Variants in SETD5 observed in about 807,000 individuals in gnomAD.
SETD5 encodes the protein histone-lysine N-methyltransferase SETD5.
A neutral mutation model predicts 153.3 loss-of-function variants in SETD5; 44 were observed. The observed-to-expected ratio is 0.29, with a 90% CI of 0.23 to 0.37. The LOEUF (loss-of-function observed/expected upper bound fraction) is 0.37. SETD5 is among the 10% of genes least tolerant of loss of function. SETD5 has a pLI of 1.00. For synonymous variants in SETD5, 716 were observed against 645.2 expected, an observed-to-expected ratio of 1.11 and a Z score of -1.66; for missense variants, 1,544 against 1,768.0, an observed-to-expected ratio of 0.87 and a Z score of 2.27.
intron 17 of SETD5, among the ~76,000 whole-genome samples, chr3:9,457,668 C>T (rs549410911): frequency 6.7e-6 from 1 of 149,942 alleles, no homozygotes; most frequent in African/African-American, 2.4e-5. Context: ...CTAGGAATAA[C>T]CTTAGTTGGG....
chr3:9,431,473 GTAT>G lies in SETD5; in HGVS notation c.72-2371_72-2369del, dbSNP rs2039956616. The G allele has an allele frequency of 3.2e-6, 3 of 944,420 alleles. No individual in the cohort carries two copies. The South Asian group carries it at 1.5e-4, about 46-fold the overall frequency. 58.5% of individuals were successfully genotyped at this position (944,420 alleles called of 1,614,324 possible). A position where few individuals can be genotyped will look rare whatever the true frequency, so the allele number is the denominator to read the frequency against. ...TTCATATTTTAAAATATAAAAACTA[GTAT>G]ATATATCAAGGAATATTTTAGGAAA... is the stretch of plus-strand genomic sequence containing the variant. On this transcript the variant is annotated intron_variant, in intron 3 of 22. Transcript: ENST00000402198.
intron 1 of SETD5, among the ~76,000 whole-genome samples, chr3:9,412,387 GTTTTTTTTTTTTTTTT>G (rs370566998): frequency 1.1e-5 from 1 of 89,536 alleles, no homozygotes; most frequent in Admixed American, 1.4e-4. Flanking sequence ...ACAGTTTTGG[GTTTTTTTTTTTTTTTT>G]TTTTTTTTTT....
At chr3:9,429,904 A>C (rs775745393) in intron 3 of SETD5, 2 of 1,303,908 alleles carry the variant, frequency 1.5e-6, no homozygotes, top group South Asian at 2.5e-5. Flanking sequence ...AAAGAGACCC[A>C]AGGGGCCTAG....
At chr3:9,467,394 A>G (rs2044738044) in intron 18 of SETD5, among the ~76,000 whole-genome samples, 1 of 151,934 alleles carries the variant, frequency 6.6e-6, no homozygotes, top group Non-Finnish European at 1.5e-5. Flanking sequence ...TGGAAGCAAC[A>G]TTGGGAGGAC....
chr3:9,437,493 T>G (rs540635758), intron 7 of SETD5, among the ~76,000 whole-genome samples: 11 of 149,312 alleles, frequency 7.4e-5, no homozygotes, highest in Admixed American at 2.0e-4. Flanking sequence ...AAAAGGAGAT[T>G]TGATTATGCT....
In SETD5 at chr3:9,453,868, G is replaced by T; in HGVS notation, c.2476G>T (p.Asp826Tyr). ...TTCTAGTATCTGCAAAGACAATGCA[G>T]GTACGTATCTAAAACCTTTCTGATT... ...SSSSICKDNA[D>Y]LLSPLKKWKS... Residue 826 changes from aspartate to tyrosine, a missense_variant and splice_region_variant, in exon 17 of 23, where the codon GAC becomes TAC. Around this residue, in one of 9 missense-constraint regions of SETD5, gnomAD observed 782 missense variants for 787.2 expected, o/e 0.99. Transcript: ENST00000402198. 6.4e-7 allele frequency: 1 copy of T among 1,564,672 alleles called. No homozygotes were observed. The highest frequency in any genetic ancestry group is 1.2e-5 in the South Asian group (1 of 82,476).
chr3:9,397,676 G>A lies in SETD5; in HGVS notation c.-478G>A, dbSNP rs1285847622. Reference sequence around the variant, plus strand: ...TGCCGCCGCCGCCGCCGCCGCCGCCGCCGCCGCCGCTGCCGGGGGAGGGGC... The same window carrying A: ...TGCCGCCGCCGCCGCCGCCGCCGCCACCGCCGCCGCTGCCGGGGGAGGGGC... On this transcript the variant is annotated 5_prime_UTR_variant, in exon 1 of 23. Coordinates refer to ENST00000402198, the MANE Select transcript of SETD5 (RefSeq NM_001080517.3). 4 of 180,580 alleles carry A rather than the reference G, an allele frequency of 2.2e-5. No homozygotes were observed. Among genetic ancestry groups the A allele is most frequent in the Admixed American group, 1.3e-4 (2 of 15,502 alleles). 11.2% of individuals were successfully genotyped at this position (180,580 alleles called of 1,614,324 possible).
intron 2 of SETD5, among the ~76,000 whole-genome samples, chr3:9,425,503 T>C (rs2039047258): frequency 6.6e-6 from 1 of 152,170 alleles, no homozygotes; most frequent in Non-Finnish European, 1.5e-5. Flanking sequence ...AGTATATCTT[T>C]TAAAAATTGC....
chr3:9,470,426 A>G (rs1575601574), intron 18 of SETD5, 33 bp from the exon 19 acceptor site: 1 of 1,554,276 alleles, frequency 6.4e-7, no homozygotes, highest in Non-Finnish European at 8.8e-7. Context: ...TTTCTCCCCT[A>G]CCCCATGTCT....
chr3:9,465,441 T>TAATTAAAATGG (rs1477000708), intron 18 of SETD5, among the ~76,000 whole-genome samples: 2 of 152,248 alleles, frequency 1.3e-5, no homozygotes, highest in African/African-American at 4.8e-5. Context: ...CTTTGATTTG[T>TAATTAAAATGG]AATTAAAATG....
intron 11 of SETD5, among the ~76,000 whole-genome samples, chr3:9,444,310 G>A (rs974455335): frequency 2.6e-5 from 4 of 152,084 alleles, no homozygotes; most frequent in African/African-American, 7.2e-5. Context: ...GTGATGTTTG[G>A]CCCAGGTATA....
intron 1 of SETD5, among the ~76,000 whole-genome samples, chr3:9,411,100 G>T (rs2036508118): frequency 6.6e-6 from 1 of 151,890 alleles, no homozygotes. Context: ...TGTTGTTCAG[G>T]CTGGTCTTGA....
intron 7 of SETD5, among the ~76,000 whole-genome samples, 156 bp downstream of exon 7, chr3:9,436,062 A>G (rs766748285): frequency 1.3e-5 from 2 of 152,156 alleles, no homozygotes; most frequent in African/African-American, 2.4e-5. Context: ...TGTTATGTAC[A>G]TGTAGACCAA....
In SETD5 at chr3:9,440,674, C is replaced by T. The variant is rs761093155; in HGVS notation, c.786C>T (p.Asn262=). 5.0e-6 allele frequency: 8 copies of T among 1,613,376 alleles called. No homozygotes were observed. In the Admixed American group the frequency reaches 1.3e-4, roughly 27 times the overall value. The change falls in exon 8 of 23, where the codon AAC becomes AAT. Residue 262 remains asparagine, a synonymous_variant. Transcript: ENST00000402198. ...ATAAGACTGAATTGGCCTGTAATAA[C>T]ACAGTTATTGGTTCCCAAATGCAGG... ...TINKTELACN[N]TVIGSQMQLQ... is the part of the protein sequence containing the mutation.
Position 9,448,020 on chromosome 3 carries a change from G to C in SETD5, c.2103+14G>C, listed in dbSNP as rs1184137935. 1.2e-6 allele frequency: 2 copies of C among 1,606,100 alleles called. No homozygotes were observed. Among genetic ancestry groups the C allele is most frequent in the East Asian group, 4.5e-5 (2 of 44,720 alleles). On this transcript the variant is annotated intron_variant, in intron 15 of 22. Coordinates refer to ENST00000402198, the MANE Select transcript of SETD5 (RefSeq NM_001080517.3). ...AAAACCAAAAAGGTAAGTCACAAAT[G>C]CATCCTTTATAAGTCCAGTCTGGCA... is the stretch of plus-strand genomic sequence containing the variant.
chr3:9,410,034 C>G (rs148819923), intron 1 of SETD5, among the ~76,000 whole-genome samples: 1 of 152,272 alleles, frequency 6.6e-6, no homozygotes, highest in East Asian at 1.9e-4. Context: ...AGTCATGCCT[C>G]ACTTGATGAG....
chr3:9,431,111 C>T, intron 3 of SETD5: 1 of 985,384 alleles, frequency 1.0e-6, no homozygotes, highest in Non-Finnish European at 1.2e-6. Flanking sequence ...ATGTAGACTT[C>T]ACTTCATAGA....
At chr3:9,408,431 C>CTGTTAGTTTAAAAGGTTCCATTTGATCA (rs2036062001) in intron 1 of SETD5, among the ~76,000 whole-genome samples, 2 of 152,090 alleles carry the variant, frequency 1.3e-5, no homozygotes, top group Non-Finnish European at 2.9e-5. Flanking sequence ...GTTTATTAAA[C>CTGTTAGTTTAAAAGGTTCCATTTGATCA]TGTTAGTTTA....
chr3:9,405,276 G>T (rs1335328474), intron 1 of SETD5, among the ~76,000 whole-genome samples: 1 of 152,118 alleles, frequency 6.6e-6, no homozygotes, highest in Admixed American at 6.5e-5. Context: ...AGAAAGGTGG[G>T]CTCTCTTCTG....
Sources: allele counts gnomAD v4.1 joint callset (sites outside exome capture counted in the v4.1 genomes callset), GRCh38; gene constraint gnomAD v4.1.1; regional missense constraint gnomAD v4.1.1; transcripts MANE v1.5; gene names NCBI Gene and HGNC (gene_info 2026-07-23, HGNC 2026-07-21).